Variants in HEATR5A observed in about 807,000 individuals in gnomAD.
HEATR5A encodes the protein HEAT repeat containing 5A.
A neutral mutation model predicts 218.8 loss-of-function variants in HEATR5A; 178 were observed. The ratio of observed to expected loss-of-function variants is 0.81; its 90% CI spans 0.72 to 0.92. The LOEUF (loss-of-function observed/expected upper bound fraction) is 0.92. HEATR5A is among the 40% of genes least tolerant of loss of function. The pLI, the probability that HEATR5A is intolerant of heterozygous loss-of-function variation, is 0.00. For missense variants in HEATR5A, 2,420 were observed against 2,418.9 expected, an observed-to-expected ratio of 1.00 and a Z score of -0.01; for synonymous variants, 864 against 871.6, an observed-to-expected ratio of 0.99 and a Z score of 0.15.
At chr14:31,337,754 T>C in intron 21 of HEATR5A, 140 bp from the exon 22 acceptor site, 1 of 599,462 alleles carries the variant, frequency 1.7e-6, no homozygotes, top group South Asian at 2.9e-5. Flanking sequence ...ACATAGGAAC[T>C]TCTTGAAACC....
chr14:31,317,286 C>T (rs1394165719), intron 26 of HEATR5A, among the ~76,000 whole-genome samples: 7 of 149,240 alleles, frequency 4.7e-5, no homozygotes, highest in South Asian at 2.1e-4. Context: ...CAGGTCATCC[C>T]GGGCTAGATT....
intron 29 of HEATR5A, 74 bp from the exon 30 acceptor site, chr14:31,308,094 A>G (rs1899614147): frequency 1.5e-6 from 2 of 1,371,012 alleles, no homozygotes; most frequent in Non-Finnish European, 2.0e-6. Context: ...TTAATCTTAT[A>G]TTTTGGTAAG....
intron 25 of HEATR5A, chr14:31,320,417 C>G: frequency 8.3e-7 from 1 of 1,200,712 alleles, no homozygotes; most frequent in South Asian, 1.2e-5. Flanking sequence ...TGTGGCTGAC[C>G]CAGCACCAAT....
At chr14:31,329,600 G>A (rs539108695) in intron 22 of HEATR5A, among the ~76,000 whole-genome samples, 2 of 152,316 alleles carry the variant, frequency 1.3e-5, no homozygotes, top group South Asian at 4.1e-4. Context: ...GCTTTGCAGG[G>A]TATAGCCCCC....
At chr14:31,390,673 C>T (rs2030417498) in intron 6 of HEATR5A, among the ~76,000 whole-genome samples, 1 of 152,086 alleles carries the variant, frequency 6.6e-6, no homozygotes, top group Non-Finnish European at 1.5e-5. Flanking sequence ...TTGTGACATT[C>T]CAACACATTA....
chr14:31,388,393 C>T (rs1452320894), intron 7 of HEATR5A, among the ~76,000 whole-genome samples: 3 of 152,138 alleles, frequency 2.0e-5, no homozygotes, highest in African/African-American at 4.8e-5. Flanking sequence ...TTTTAAAACT[C>T]GTTTAGGATG....
At position 31,306,855 on chromosome 14, in the gene HEATR5A, C is replaced by T. The variant is rs757272638; in HGVS notation, c.4843G>A (p.Val1615Ile). ...DQDLGIELLN[V>I]LHRVILTRES... The stretch of plus-strand genomic sequence containing the variant: ...CTGGTTAAAATTACTCGATGTAGAA[C>T]ATTCAGCAATTCTATACCCAAGTCC... The change falls in exon 31 of 36, where the codon GTT becomes ATT. Residue 1615 changes from valine (V) to isoleucine (I), a missense_variant. Physicochemically the swap from Val to Ile is conservative, Grantham distance 29. Coordinates refer to ENST00000543095, the MANE Select transcript of HEATR5A (RefSeq NM_015473.4). 1.9e-6 allele frequency: 3 copies of T among 1,612,600 alleles called. No individual in the cohort carries two copies. Among genetic ancestry groups the T allele is most frequent in the East Asian group, 2.2e-5 (1 of 44,838 alleles).
Position 31,387,180 on chromosome 14 carries a change from C to A in HEATR5A, c.1129G>T (p.Ala377Ser), listed in dbSNP as rs762054522. Reference sequence around the variant, plus strand: ...ATATCCTTTACAGCAGCAAGCTGAGCCTTTTCTCCAAGAAGACCACCTATA... The same window carrying A: ...ATATCCTTTACAGCAGCAAGCTGAGACTTTTCTCCAAGAAGACCACCTATA... ...TTIGGLLGEK[A>S]QLAAVKDICQ... Residue 377 changes from alanine to serine, a missense_variant, in exon 8 of 36, where the codon GCT becomes TCT. Physicochemically the swap from Ala to Ser is moderately conservative, Grantham distance 99. Transcript: ENST00000543095. 5 of 1,613,772 alleles carry A rather than the reference C, an allele frequency of 3.1e-6. No homozygotes were observed. Among genetic ancestry groups the A allele is most frequent in the African/African-American group, 2.7e-5 (2 of 74,906 alleles).
intron 22 of HEATR5A, among the ~76,000 whole-genome samples, chr14:31,333,751 GC>G (rs1446361955): frequency 2.6e-5 from 4 of 151,882 alleles, no homozygotes; most frequent in African/African-American, 9.7e-5. Context: ...TGCTTAATTG[GC>G]CAGGCATGGT....
At chr14:31,415,046 G>C (rs2031400019) in intron 1 of HEATR5A, among the ~76,000 whole-genome samples, 1 of 152,128 alleles carries the variant, frequency 6.6e-6, no homozygotes, top group Non-Finnish European at 1.5e-5. Flanking sequence ...CACCATGTTG[G>C]TCAGGCTGGT....
chr14:31,340,429 A>C (rs1275931162), intron 21 of HEATR5A: 1 of 1,285,366 alleles, frequency 7.8e-7, no homozygotes, highest in Non-Finnish European at 1.0e-6. Context: ...AAAAGTTAGG[A>C]ATCAAGGGTC....
chr14:31,374,274 A>T (rs1411818629), intron 12 of HEATR5A, among the ~76,000 whole-genome samples: 1 of 145,470 alleles, frequency 6.9e-6, no homozygotes, highest in Non-Finnish European at 1.5e-5. Context: ...ACAACATTCT[A>T]GCCTGGGCAA....
At position 31,325,727 on chromosome 14, in the gene HEATR5A, G is replaced by C. The variant is rs532144559; in HGVS notation, c.3547+436C>G. 9.0e-5 allele frequency: 14 copies of C among 156,362 alleles called. No individual in the cohort carries two copies. In the South Asian group the frequency reaches 2.7e-3, roughly 30 times the overall value. The allele number at this position is 156,362 out of a possible 1,614,324, so 9.7% of individuals were successfully genotyped here. A position where few individuals can be genotyped will look rare whatever the true frequency, so the allele number is the denominator to read the frequency against. The stretch of plus-strand genomic sequence containing the variant: ...GATGGTGTTTTGCCACGTTGCCCAG[G>C]CTGGTCTCAAACTCCTGGACTTGAG... On this transcript the variant is annotated intron_variant, in intron 23 of 35. Transcript: ENST00000543095.
rs115558529 is a variant in HEATR5A, at chr14:31,390,396, T to C, written c.773-1391A>G. On this transcript the variant is annotated intron_variant, in intron 6 of 35. Transcript: ENST00000543095. ...TAGAAGCAGGGAAAACCATTAGGAA[T>C]GATTTATTAATGTAAGCAAGAGATG... 4.6e-3 allele frequency among the ~76,000 whole-genome samples: 695 copies of C among 152,280 alleles called. 8 individuals carry two copies. The highest frequency in any genetic ancestry group is 0.016 in the African/African-American group (661 of 41,554).
intron 27 of HEATR5A, 117 bp from the exon 28 acceptor site, chr14:31,313,307 C>A: frequency 1.4e-6 from 1 of 727,418 alleles, no homozygotes; most frequent in Non-Finnish European, 2.3e-6. Context: ...ACTTGAAATG[C>A]ACTGTGATAT....
chr14:31,346,525 A>G (rs1430119406), intron 19 of HEATR5A, among the ~76,000 whole-genome samples: 1 of 152,144 alleles, frequency 6.6e-6, no homozygotes, highest in Non-Finnish European at 1.5e-5. Flanking sequence ...ATGTAAGGAG[A>G]GAAGAGAAAA....
chr14:31,326,218 C>T lies in HEATR5A; in HGVS notation c.3492G>A (p.Val1164=). 1.2e-6 allele frequency: 2 copies of T among 1,613,374 alleles called. No homozygotes were observed. The highest frequency in any genetic ancestry group is 2.7e-5 in the African/African-American group (2 of 75,004). The change falls in exon 23 of 36, where the codon GTG becomes GTA. Residue 1164 remains valine, a synonymous_variant. Transcript: ENST00000543095. The part of the protein sequence containing the change: ...TLNYMLTSMA[V]EKLSLWLKLC... ...GCTTTAACCACAGGGAGAGTTTTTC[C>T]ACTGCCATAGATGTAAGCATATAAT...
intron 5 of HEATR5A, 138 bp from the exon 6 acceptor site, chr14:31,394,364 T>C (rs921004395): frequency 2.9e-5 from 14 of 484,020 alleles, no homozygotes; most frequent in African/African-American, 2.8e-4. Flanking sequence ...ACAGGAATAA[T>C]AAATGGATAC....
At chr14:31,379,253 T>C (rs2029888072) in intron 11 of HEATR5A, among the ~76,000 whole-genome samples, 1 of 146,008 alleles carries the variant, frequency 6.8e-6, no homozygotes, top group Non-Finnish European at 1.5e-5. Context: ...GAACTATTCA[T>C]TTTTTGTTTT....
Sources: gnomAD v4.1 joint callset for allele counts (sites outside exome capture counted in the v4.1 genomes callset) on GRCh38, gnomAD v4.1.1 for gene constraint, MANE v1.5 for transcripts, NCBI Gene and HGNC (gene_info 2026-07-23, HGNC 2026-07-21) for gene names.